MIPEP: variants seen among roughly 807,000 people sequenced by gnomAD.
MIPEP encodes mitochondrial intermediate peptidase.
A neutral mutation model predicts 90.3 loss-of-function variants in MIPEP; 79 were observed. The observed-to-expected ratio is 0.87, with a 90% confidence interval of 0.73 to 1.05. The LOEUF (loss-of-function observed/expected upper bound fraction) is 1.05, where lower values mean the gene tolerates loss of function less well. Ranked by LOEUF, MIPEP falls within the 50% of genes least tolerant of loss-of-function variation. The probability of loss-of-function intolerance (pLI) is 0.00; values close to 1 mark genes in which losing one functional copy is unlikely to be tolerated. For missense variants in MIPEP, 940 were observed against 905.6 expected, an observed-to-expected ratio of 1.04 and a Z score of -0.49; for synonymous variants, 334 against 315.8, an observed-to-expected ratio of 1.06 and a Z score of -0.61.
At chr13:23,880,844 C>T (rs1050612702) in intron 3 of MIPEP, among the ~76,000 whole-genome samples, 4 of 152,180 alleles carry the variant, frequency 2.6e-5, no homozygotes, top group African/African-American at 9.7e-5. Context: ...CTCGTCTAAC[C>T]AGAGAAGCCA....
intron 16 of MIPEP, among the ~76,000 whole-genome samples, chr13:23,794,753 G>A (rs182410893): frequency 2.3e-4 from 35 of 152,164 alleles, no homozygotes; most frequent in African/African-American, 8.0e-4. Flanking sequence ...AAAAACAACC[G>A]GGTAGTCATA....
At chr13:23,854,709 C>T (rs191157551) in intron 10 of MIPEP, among the ~76,000 whole-genome samples, 1 of 151,768 alleles carries the variant, frequency 6.6e-6, no homozygotes, top group Admixed American at 6.6e-5. Flanking sequence ...CTGGCCAAAA[C>T]GGTGAAACTC....
chr13:23,753,216 T>C (rs1952458521), intron 18 of MIPEP, among the ~76,000 whole-genome samples: 1 of 139,536 alleles, frequency 7.2e-6, no homozygotes, highest in Non-Finnish European at 1.5e-5. Flanking sequence ...CAGTAGAGAC[T>C]CCATCTCAAA....
chr13:23,784,084 T>G (rs1184260263), intron 16 of MIPEP, among the ~76,000 whole-genome samples: 1 of 152,148 alleles, frequency 6.6e-6, no homozygotes, highest in Non-Finnish European at 1.5e-5. Flanking sequence ...TTATAGGTAA[T>G]GCCATCCCCA....
At chr13:23,758,701 T>C (rs1418155774) in intron 17 of MIPEP, among the ~76,000 whole-genome samples, 1 of 152,164 alleles carries the variant, frequency 6.6e-6, no homozygotes, top group Non-Finnish European at 1.5e-5. Context: ...AGCTGCAAAA[T>C]ATTTAAAAAT....
At chr13:23,791,721 C>T (rs147480155) in intron 16 of MIPEP, among the ~76,000 whole-genome samples, 2 of 152,198 alleles carry the variant, frequency 1.3e-5, no homozygotes, top group East Asian at 3.9e-4. Context: ...AGCAAAAAAA[C>T]AAAAACAACC....
chr13:23,889,141 G>A lies in MIPEP; in HGVS notation c.180C>T (p.Gly60=). 1 of 1,433,688 alleles carries A rather than the reference G, an allele frequency of 7.0e-7. No homozygotes were observed. The highest frequency in any genetic ancestry group is 9.1e-7 in the Non-Finnish European group (1 of 1,094,388). 88.8% of individuals were successfully genotyped at this position (1,433,688 alleles called of 1,614,324 possible). ...KPQGSRLDLF[G]ERRGLFGVPE... is the part of the protein sequence containing the mutation. ...CTCCTGCGCCGCTCACCCGGCGCTC[G>A]CCGAACAGGTCCAAGCGGCTGCCCT... Residue 60 remains glycine (G), a synonymous_variant, in exon 1 of 19, where the codon GGC becomes GGT. Coordinates refer to ENST00000382172, the MANE Select transcript of MIPEP (RefSeq NM_005932.4).
chr13:23,818,146 T>C (rs999766973), intron 14 of MIPEP, among the ~76,000 whole-genome samples: 2 of 150,690 alleles, frequency 1.3e-5, no homozygotes, highest in Admixed American at 6.6e-5. Context: ...GCTAGGCACG[T>C]TGGTTCACTC....
At chr13:23,775,681 G>A (rs1022129684) in intron 16 of MIPEP, among the ~76,000 whole-genome samples, 4 of 152,120 alleles carry the variant, frequency 2.6e-5, no homozygotes, top group Admixed American at 2.6e-4. Context: ...AGAACAGGCA[G>A]CAGCTACCAG....
chr13:23,754,577 G>A (rs540459671), intron 18 of MIPEP, among the ~76,000 whole-genome samples: 30 of 152,288 alleles, frequency 2.0e-4, no homozygotes, highest in African/African-American at 7.2e-4. Context: ...ATTTTTGAGA[G>A]TTAGTTGCAA....
intron 12 of MIPEP, among the ~76,000 whole-genome samples, chr13:23,838,469 A>G (rs2137458688): frequency 6.6e-6 from 1 of 152,234 alleles, no homozygotes; most frequent in Non-Finnish European, 1.5e-5. Flanking sequence ...TTATCACTTG[A>G]ACGAGATGGG....
intron 18 of MIPEP, among the ~76,000 whole-genome samples, chr13:23,747,377 C>T (rs1952394125): frequency 6.6e-6 from 1 of 152,120 alleles, no homozygotes; most frequent in African/African-American, 2.4e-5. Flanking sequence ...CCAGTAAGGA[C>T]CTATTTGGGA....
At chr13:23,839,584 T>A in intron 12 of MIPEP, 65 bp downstream of exon 12, 1 of 1,044,060 alleles carries the variant, frequency 9.6e-7, no homozygotes, top group Non-Finnish European at 1.4e-6. Flanking sequence ...TGATACAAAG[T>A]TCACATCAAT....
chr13:23,859,387 T>C (rs902269776), intron 9 of MIPEP, among the ~76,000 whole-genome samples: 2 of 152,202 alleles, frequency 1.3e-5, no homozygotes, highest in Admixed American at 1.3e-4. Context: ...CAGAATTAAC[T>C]CTAATCTTGG....
chr13:23,857,528 C>T (rs2137494036), intron 10 of MIPEP, among the ~76,000 whole-genome samples: 1 of 152,244 alleles, frequency 6.6e-6, no homozygotes, highest in South Asian at 2.1e-4. Context: ...CATGATTACG[C>T]CACTGTACTT....
intron 18 of MIPEP, among the ~76,000 whole-genome samples, chr13:23,751,639 C>T (rs1035073885): frequency 1.3e-5 from 2 of 152,130 alleles, no homozygotes; most frequent in Non-Finnish European, 2.9e-5. Flanking sequence ...TATCCTTTCC[C>T]TTCCCCTCCC....
intron 3 of MIPEP, among the ~76,000 whole-genome samples, chr13:23,880,015 A>T (rs11840947): frequency 0.037 from 5,656 of 152,118 alleles, 351 homozygotes; most frequent in African/African-American, 0.13. Context: ...TGGCCCCCTC[A>T]AAACTAAATA....
intron 2 of MIPEP, among the ~76,000 whole-genome samples, chr13:23,884,275 C>T (rs2137541094): frequency 6.6e-6 from 1 of 152,030 alleles, no homozygotes; most frequent in Admixed American, 6.5e-5. Context: ...AGCTTTGTAT[C>T]CTGATTGTGG....
intron 16 of MIPEP, among the ~76,000 whole-genome samples, chr13:23,786,244 A>G (rs1343054779): frequency 1.3e-5 from 2 of 152,068 alleles, no homozygotes; most frequent in Non-Finnish European, 2.9e-5. Context: ...GACAAGAAAA[A>G]CTAAAGCTGG....
Sources: allele counts gnomAD v4.1 joint callset (sites outside exome capture counted in the v4.1 genomes callset), GRCh38; gene constraint gnomAD v4.1.1; transcripts MANE v1.5; gene names NCBI Gene and HGNC (gene_info 2026-07-23, HGNC 2026-07-21).